PARN: variants seen among roughly 807,000 people sequenced by gnomAD.
PARN encodes poly(A)-specific ribonuclease.
In PARN, 71 loss-of-function variants were observed where a neutral mutation model predicts 102.8. The ratio of observed to expected loss-of-function variants is 0.69; its 90% CI spans 0.57 to 0.84. The LOEUF is 0.84. PARN is among the 40% of genes least tolerant of loss of function. The probability of loss-of-function intolerance (pLI) is 0.00; values close to 1 mark genes in which losing one functional copy is unlikely to be tolerated. For missense variants in PARN, 782 were observed against 760.9 expected, an observed-to-expected ratio of 1.03 and a Z score of -0.33; for synonymous variants, 261 against 252.9, an observed-to-expected ratio of 1.03 and a Z score of -0.30.
intron 23 of PARN, among the ~76,000 whole-genome samples, chr16:14,440,387 C>T (rs1206849981): frequency 6.6e-6 from 1 of 152,130 alleles, no homozygotes; most frequent in Non-Finnish European, 1.5e-5. Context: ...GAGCTGAAGC[C>T]TTGTATACTG....
At chr16:14,477,820 A>G (rs1963155248) in intron 22 of PARN, among the ~76,000 whole-genome samples, 1 of 151,838 alleles carries the variant, frequency 6.6e-6, no homozygotes, top group Non-Finnish European at 1.5e-5. Context: ...GGAAGGGAAG[A>G]GAAGGGAAAG....
intron 19 of PARN, 76 bp from the exon 20 acceptor site, chr16:14,554,227 A>C: frequency 1.1e-6 from 1 of 937,064 alleles, no homozygotes; most frequent in Non-Finnish European, 1.7e-6. Context: ...TGATGAAACT[A>C]AGTCTGAGCT....
At chr16:14,468,750 G>C (rs1345441232) in intron 22 of PARN, among the ~76,000 whole-genome samples, 1 of 152,012 alleles carries the variant, frequency 6.6e-6, no homozygotes, top group Non-Finnish European at 1.5e-5. Context: ...AAAGTTTAAA[G>C]AACTATACAG....
chr16:14,596,667 G>T (rs1880969071), intron 12 of PARN, among the ~76,000 whole-genome samples: 1 of 152,042 alleles, frequency 6.6e-6, no homozygotes, highest in Non-Finnish European at 1.5e-5. Flanking sequence ...GATCGCTTGA[G>T]CCCGGGAGGT....
At chr16:14,548,605 C>T (rs1967107285) in intron 21 of PARN, among the ~76,000 whole-genome samples, 1 of 152,126 alleles carries the variant, frequency 6.6e-6, no homozygotes, top group Non-Finnish European at 1.5e-5. Flanking sequence ...ATAAGGTATA[C>T]AAGATGCTAT....
intron 22 of PARN, among the ~76,000 whole-genome samples, chr16:14,479,848 T>TACTCC (rs1265243347): frequency 6.6e-6 from 1 of 151,812 alleles, no homozygotes. Context: ...TTCCATATCT[T>TACTCC]ACTCCACATA....
intron 5 of PARN, among the ~76,000 whole-genome samples, chr16:14,623,069 A>G (rs1282648625): frequency 2.0e-5 from 3 of 150,164 alleles, no homozygotes; most frequent in Non-Finnish European, 3.0e-5. Flanking sequence ...ACATCACTGC[A>G]CTCTAGCCTT....
chr16:14,554,951 A>C (rs1362181164), intron 19 of PARN, among the ~76,000 whole-genome samples: 1 of 152,232 alleles, frequency 6.6e-6, no homozygotes, highest in Admixed American at 6.5e-5. Context: ...GCTCTAAGCA[A>C]GAGATCTAAC....
rs548458588 is a variant in PARN at position 14,456,878 on chromosome 16, CTGTTT to C, written c.1671-9802_1671-9798del. Among the ~76,000 whole-genome samples the C allele has an allele frequency of 9.2e-5, 14 of 152,304 alleles. No individual in the cohort carries two copies. In the East Asian group the frequency reaches 1.7e-3, roughly 19 times the overall value. On this transcript the variant is annotated intron_variant, in intron 22 of 23. Coordinates refer to ENST00000437198, the MANE Select transcript of PARN (RefSeq NM_002582.4). The stretch of plus-strand genomic sequence containing the variant: ...ACCTTGTCACATTCATTCCTCTGCC[CTGTTT>C]TATTTTCCTCCTCCTACTCGCCTCT...
chr16:14,453,728 A>G (rs1168320275), intron 22 of PARN, among the ~76,000 whole-genome samples: 2 of 152,172 alleles, frequency 1.3e-5, no homozygotes, highest in African/African-American at 4.8e-5. Context: ...TTCACTTAGC[A>G]TAATACTTTG....
chr16:14,630,039 G>C (rs1450451301), intron 1 of PARN, 68 bp downstream of exon 1: 3 of 1,406,686 alleles, frequency 2.1e-6, no homozygotes, highest in Non-Finnish European at 3.0e-6. Flanking sequence ...CGCCGGCCAT[G>C]GTCTCGGCCT....
intron 22 of PARN, among the ~76,000 whole-genome samples, chr16:14,465,420 C>T (rs752999864): frequency 2.6e-5 from 4 of 151,968 alleles, no homozygotes; most frequent in South Asian, 2.1e-4. Context: ...AGAAAATCAC[C>T]GACTAAATAA....
rs145655605 is a variant in PARN at position 14,479,997 on chromosome 16, C to T, written c.1670+2641G>A. Among the ~76,000 whole-genome samples, 592 of 149,100 alleles carry T rather than the reference C, an allele frequency of 4.0e-3. 4 individuals carry two copies. The highest frequency in any genetic ancestry group is 5.2e-3 in the Non-Finnish European group (354 of 67,448). On this transcript the variant is annotated intron_variant, in intron 22 of 23. Transcript: ENST00000437198. ...TTTGGGGGAGGAGGGGATTCACTAA[C>T]AATAAACGGGAAAAAACTTAATAAA...
chr16:14,489,191 A>T (rs1400807280), intron 21 of PARN, among the ~76,000 whole-genome samples: 1 of 152,216 alleles, frequency 6.6e-6, no homozygotes, highest in Non-Finnish European at 1.5e-5. Flanking sequence ...ACTGGAAGGG[A>T]ATCAGGAGAA....
intron 9 of PARN, 98 bp downstream of exon 9, chr16:14,608,183 C>A: frequency 2.3e-6 from 2 of 856,898 alleles, no homozygotes; most frequent in East Asian, 5.5e-5. Flanking sequence ...CACTGAGAAC[C>A]GCAGAATTTC....
At position 14,541,119 on chromosome 16, in the gene PARN, C is replaced by CT. The variant is rs34336313; in HGVS notation, c.1480+10901dup. On this transcript the variant is annotated intron_variant, in intron 21 of 23. Transcript: ENST00000437198. ...CAGCCTGGACATCATGGCGAAACAT[C>CT]TTTTTTTTTTTTTTTTTTTAAAGCA... 2.4e-3 allele frequency among the ~76,000 whole-genome samples: 297 copies of CT among 126,312 alleles called. 1 individual carries two copies. The highest frequency in any genetic ancestry group is 6.6e-3 in the East Asian group (29 of 4,370). The allele number at this position is 126,312 out of a possible 152,430, so 82.9% of individuals were successfully genotyped here.
chr16:14,592,057 GATGTGAGAGAGGGC>G (rs1970228464), intron 13 of PARN: 1 of 151,814 alleles, frequency 6.6e-6, no homozygotes, highest in Non-Finnish European at 1.5e-5. Flanking sequence ...AAAGAATCCA[GATGTGAGAGAGGGC>G]ATGGAGATAA....
At position 14,537,893 on chromosome 16, in the gene PARN, G is replaced by T. The variant is rs544498523; in HGVS notation, c.1480+14128C>A. Among the ~76,000 whole-genome samples, 16 of 152,222 alleles carry T rather than the reference G, an allele frequency of 1.1e-4. No homozygotes were observed. In the East Asian group the frequency reaches 1.4e-3, roughly 13 times the overall value. On this transcript the variant is annotated intron_variant, in intron 21 of 23. Coordinates refer to ENST00000437198, the MANE Select transcript of PARN (RefSeq NM_002582.4). ...CTGGAAGGTGAATGTGGTAAATGTG[G>T]TTAAATAATAATTTATTATATATTT...
Position 14,609,101 on chromosome 16 carries a change from G to T in PARN, c.577C>A (p.Gln193Lys). 6.4e-7 allele frequency: 1 copy of T among 1,551,476 alleles called. No individual in the cohort carries two copies. The highest frequency in any genetic ancestry group is 8.8e-7 in the Non-Finnish European group (1 of 1,131,492). The change falls in exon 8 of 24, where the codon CAA becomes AAA. Residue 193 changes from glutamine to lysine, a missense_variant. Physicochemically the swap from Gln to Lys is moderately conservative, Grantham distance 53. Coordinates refer to ENST00000437198, the MANE Select transcript of PARN (RefSeq NM_002582.4). ...QVVEKIEDLL[Q>K]SEENKNLDLE... The stretch of plus-strand genomic sequence containing the variant: ...TCCAAGTTCTTGTTTTCTTCACTTT[G>T]TAATAAATCCTCTATTTTCTCTCTG...
Sources: gnomAD v4.1 joint callset for allele counts (sites outside exome capture counted in the v4.1 genomes callset) on GRCh38, gnomAD v4.1.1 for gene constraint, MANE v1.5 for transcripts, NCBI Gene and HGNC (gene_info 2026-07-23, HGNC 2026-07-21) for gene names.